GNAQ: variants seen among roughly 807,000 people sequenced by gnomAD.
GNAQ encodes guanine nucleotide-binding protein G(q) subunit alpha.
GNAQ carries 8 observed loss-of-function variants against 43.9 expected under a neutral mutation model. The observed-to-expected ratio is 0.18, with a 90% CI of 0.11 to 0.33. The LOEUF (loss-of-function observed/expected upper bound fraction) is 0.33. Among genes scored for constraint, GNAQ ranks in the 10% least tolerant of loss-of-function variants. GNAQ has a pLI of 1.00. For missense variants in GNAQ, 158 were observed against 450.8 expected, an observed-to-expected ratio of 0.35 and a Z score of 5.88; for synonymous variants, 155 against 170.7, an observed-to-expected ratio of 0.91 and a Z score of 0.71.
At chr9:77,731,209 T>C (rs960616483) in intron 5 of GNAQ, among the ~76,000 whole-genome samples, 2 of 151,928 alleles carry the variant, frequency 1.3e-5, no homozygotes, top group Non-Finnish European at 2.9e-5. Context: ...GGAGGGGAAG[T>C]GACTAGACTA....
chr9:77,828,261 A>G (rs1827238145), intron 2 of GNAQ, among the ~76,000 whole-genome samples: 1 of 152,044 alleles, frequency 6.6e-6, no homozygotes, highest in South Asian at 2.1e-4. Flanking sequence ...GATGAATTAT[A>G]TAGCAATTAA....
At position 77,838,362 on chromosome 9, in the gene GNAQ, C is replaced by T. The variant is rs150251449; in HGVS notation, c.322-22592G>A. Among the ~76,000 whole-genome samples, 968 of 150,704 alleles carry T rather than the reference C, an allele frequency of 6.4e-3. 5 individuals are homozygous for T. The highest frequency in any genetic ancestry group is 0.021 in the African/African-American group (873 of 40,954). On this transcript the variant is annotated intron_variant, in intron 2 of 6. Transcript: ENST00000286548. ...TTCTCCACGTTGGTCAGGCTGGTCT[C>T]GAACTCCCGACCTCAGGTGATCCGC...
chr9:77,920,133 G>A (rs1416568995), intron 2 of GNAQ, among the ~76,000 whole-genome samples: 2 of 150,170 alleles, frequency 1.3e-5, no homozygotes, highest in Non-Finnish European at 3.0e-5. Context: ...GCAAGACTCT[G>A]TCTCAAAAAA....
At chr9:77,982,033 T>C (rs1393400282) in intron 1 of GNAQ, among the ~76,000 whole-genome samples, 1 of 152,212 alleles carries the variant, frequency 6.6e-6, no homozygotes, top group East Asian at 1.9e-4. Context: ...TTTAGGTTCC[T>C]ACCTGGAAGC....
At position 77,717,407 on chromosome 9, in the gene GNAQ, G is replaced by T. The variant is rs1825242139; in HGVS notation, c.*3916C>A. 8.6e-6 allele frequency: 2 copies of T among 232,268 alleles called. No individual in the cohort carries two copies. The highest frequency in any genetic ancestry group is 1.1e-4 in the Admixed American group (2 of 17,754). The allele number at this position is 232,268 out of a possible 1,614,324, so 14.4% of individuals were successfully genotyped here. On this transcript the variant is annotated 3_prime_UTR_variant, in exon 7 of 7. Transcript: ENST00000286548. ...TTCATTTCATTCGTTTTGAGAAACT[G>T]AAAACAAAGGGAAATCAAGGGTAAT...
chr9:77,808,876 A>C (rs951768435), intron 3 of GNAQ, among the ~76,000 whole-genome samples: 62 of 151,514 alleles, frequency 4.1e-4, no homozygotes, highest in South Asian at 4.1e-4. Context: ...AAAAAAAACA[A>C]AACAAAACAA....
At chr9:77,846,815 T>C (rs1827593185) in intron 2 of GNAQ, among the ~76,000 whole-genome samples, 1 of 152,186 alleles carries the variant, frequency 6.6e-6, no homozygotes, top group African/African-American at 2.4e-5. Context: ...ATATATTTTC[T>C]TTCATTTAAC....
chr9:77,935,542 A>G (rs1341231811), intron 1 of GNAQ, among the ~76,000 whole-genome samples: 1 of 152,240 alleles, frequency 6.6e-6, no homozygotes, highest in Non-Finnish European at 1.5e-5. Flanking sequence ...AACTTCGAAG[A>G]TAGGTACATG....
intron 2 of GNAQ, among the ~76,000 whole-genome samples, chr9:77,823,807 C>A (rs969181054): frequency 6.6e-6 from 1 of 152,170 alleles, no homozygotes; most frequent in Admixed American, 6.5e-5. Flanking sequence ...GCCCTTCCCC[C>A]AACAAGTGGG....
intron 1 of GNAQ, among the ~76,000 whole-genome samples, chr9:77,938,048 G>C (rs1307494083): frequency 6.6e-6 from 1 of 152,040 alleles, no homozygotes; most frequent in Non-Finnish European, 1.5e-5. Flanking sequence ...AAAATCTGCA[G>C]ATGCTTAGGG....
intron 5 of GNAQ, among the ~76,000 whole-genome samples, chr9:77,786,786 C>T (rs1826488373): frequency 6.6e-6 from 1 of 152,188 alleles, no homozygotes; most frequent in Non-Finnish European, 1.5e-5. Context: ...TCTATTAAAT[C>T]TGAAGGTATG....
chr9:77,939,315 C>T (rs1303822645), intron 1 of GNAQ, among the ~76,000 whole-genome samples: 10 of 152,204 alleles, frequency 6.6e-5, no homozygotes, highest in Non-Finnish European at 1.3e-4. Flanking sequence ...GCAACGGCTA[C>T]GCATGAGTCA....
At chr9:77,735,886 C>A (rs1477823857) in intron 5 of GNAQ, among the ~76,000 whole-genome samples, 1 of 152,148 alleles carries the variant, frequency 6.6e-6, no homozygotes, top group East Asian at 1.9e-4. Context: ...GGCTAAATAT[C>A]TCTGAGCCTT....
intron 2 of GNAQ, among the ~76,000 whole-genome samples, chr9:77,917,258 G>A (rs1051422234): frequency 6.6e-6 from 1 of 152,046 alleles, no homozygotes; most frequent in African/African-American, 2.4e-5. Context: ...ACAGTTCCTT[G>A]GCCACATAAA....
chr9:78,001,657 T>C (rs1160914317), intron 1 of GNAQ, among the ~76,000 whole-genome samples: 2 of 152,056 alleles, frequency 1.3e-5, no homozygotes, highest in Non-Finnish European at 2.9e-5. Context: ...ATTCTAGTAC[T>C]TGGAATCTCA....
At chr9:77,910,541 T>TTCTCTCAGC (rs1828783151) in intron 2 of GNAQ, among the ~76,000 whole-genome samples, 1 of 152,174 alleles carries the variant, frequency 6.6e-6, no homozygotes, top group Non-Finnish European at 1.5e-5. Context: ...CTGCGCAGGT[T>TTCTCTCAGC]TGTCTAAGCA....
rs116309799 is a variant in GNAQ at position 77,746,462 on chromosome 9, C to A, written c.736-17795G>T. Among the ~76,000 whole-genome samples the A allele has an allele frequency of 6.6e-3, 1,008 of 152,174 alleles. 18 individuals are homozygous for A. The highest frequency in any genetic ancestry group is 0.023 in the African/African-American group (949 of 41,524). On this transcript the variant is annotated intron_variant, in intron 5 of 6. Coordinates refer to ENST00000286548, the MANE Select transcript of GNAQ (RefSeq NM_002072.5). ...CTGATTTAAAATGAACAAAATGGAA[C>A]TGATATATTATCTTATATGTTGACC...
intron 5 of GNAQ, among the ~76,000 whole-genome samples, chr9:77,775,577 AT>A (rs917718831): frequency 3.3e-5 from 5 of 149,702 alleles, no homozygotes; most frequent in Admixed American, 6.7e-5. Flanking sequence ...GCCCAGCTAA[AT>A]TTTTTTTTGT....
chr9:77,837,557 A>G lies in GNAQ; in HGVS notation c.322-21787T>C, dbSNP rs532714142. Among the ~76,000 whole-genome samples the G allele has an allele frequency of 1.3e-4, 20 of 152,204 alleles. No homozygotes were observed. In the South Asian group the frequency reaches 4.2e-3, roughly 32 times the overall value. ...TGACAGAGTGAGACTCTGTCTCAAA[A>G]ATAAATAGATTTTTTTTAAAAAAGC... On this transcript the variant is annotated intron_variant, in intron 2 of 6. Transcript: ENST00000286548.
Sources: gnomAD v4.1 joint callset for allele counts (sites outside exome capture counted in the v4.1 genomes callset) on GRCh38, gnomAD v4.1.1 for gene constraint, MANE v1.5 for transcripts, NCBI Gene and HGNC (gene_info 2026-07-23, HGNC 2026-07-21) for gene names.